ADARB2: variants seen among roughly 807,000 people sequenced by gnomAD.
The protein encoded by ADARB2 is adenosine deaminase RNA specific B2 (inactive), also known as inactive double-stranded RNA-specific editase B2.
A neutral mutation model predicts 62.2 loss-of-function variants in ADARB2; 25 were observed. The observed-to-expected ratio is 0.40, with a 90% CI of 0.29 to 0.56. ADARB2 has a LOEUF of 0.56. ADARB2 is among the 20% of genes least tolerant of loss of function. The pLI is 0.43. For synonymous variants in ADARB2, 572 were observed against 500.8 expected, an observed-to-expected ratio of 1.14 and a Z score of -1.90; for missense variants, 1,071 against 1,077.4, an observed-to-expected ratio of 0.99 and a Z score of 0.08.
intron 1 of ADARB2, among the ~76,000 whole-genome samples, chr10:1,612,324 C>T (rs1452341837): frequency 1.3e-5 from 2 of 152,238 alleles, no homozygotes; most frequent in Admixed American, 6.5e-5. Flanking sequence ...AAGAGCAGAG[C>T]GGCCATGGCC....
intron 1 of ADARB2, among the ~76,000 whole-genome samples, chr10:1,673,863 G>A (rs370153247): frequency 3.3e-5 from 5 of 152,240 alleles, no homozygotes; most frequent in Admixed American, 6.5e-5. Flanking sequence ...GGGATCCTAG[G>A]CCGGTTACCG....
chr10:1,338,003 T>C (rs1443244379), intron 3 of ADARB2, among the ~76,000 whole-genome samples: 1 of 152,234 alleles, frequency 6.6e-6, no homozygotes, highest in African/African-American at 2.4e-5. Context: ...CATTTAATAC[T>C]GTCATGGTGC....
chr10:1,246,723 C>A (rs1347740684), intron 4 of ADARB2, among the ~76,000 whole-genome samples: 1 of 134,664 alleles, frequency 7.4e-6, no homozygotes, highest in East Asian at 2.2e-4. Flanking sequence ...CAGTACCATG[C>A]TGTTTTGGTT....
chr10:1,624,039 C>T (rs550649409), intron 1 of ADARB2, among the ~76,000 whole-genome samples: 1 of 152,064 alleles, frequency 6.6e-6, no homozygotes, highest in South Asian at 2.1e-4. Flanking sequence ...TTGAGACCAG[C>T]CTGGGCAACA....
intron 1 of ADARB2, among the ~76,000 whole-genome samples, chr10:1,517,360 A>G (rs892421444): frequency 1.3e-5 from 2 of 152,216 alleles, no homozygotes; most frequent in African/African-American, 4.8e-5. Context: ...AGGTAGAGAC[A>G]TCCTGGAATG....
intron 3 of ADARB2, among the ~76,000 whole-genome samples, chr10:1,334,450 TG>T (rs1831955905): frequency 6.6e-6 from 1 of 152,132 alleles, no homozygotes; most frequent in Admixed American, 6.5e-5. Flanking sequence ...TCTCCACACG[TG>T]GGTGCACACA....
chr10:1,651,387 G>A lies in ADARB2; in HGVS notation c.100+85664C>T, dbSNP rs142401108. 1.8e-4 allele frequency among the ~76,000 whole-genome samples: 27 copies of A among 152,326 alleles called. No individual in the cohort carries two copies. In the East Asian group the frequency reaches 3.9e-3, roughly 22 times the overall value. ...GGTGTTGGGGTGGCTGGGGCAGGCC[G>A]CCCTCCCTGGTTCTCAGGGTCCTGC... On this transcript the variant is annotated intron_variant, in intron 1 of 9. Coordinates refer to ENST00000381312, the MANE Select transcript of ADARB2 (RefSeq NM_018702.4).
intron 1 of ADARB2, among the ~76,000 whole-genome samples, chr10:1,452,802 A>G (rs1043190968): frequency 8.6e-6 from 1 of 116,348 alleles, no homozygotes; most frequent in Non-Finnish European, 1.9e-5. Flanking sequence ...AGTATAATAA[A>G]AAAAGAAGAC....
At chr10:1,655,023 G>A (rs535686987) in intron 1 of ADARB2, among the ~76,000 whole-genome samples, 18 of 152,218 alleles carry the variant, frequency 1.2e-4, no homozygotes, top group Non-Finnish European at 2.4e-4. Context: ...GGACGCGGTC[G>A]GGAGGAATCT....
intron 4 of ADARB2, among the ~76,000 whole-genome samples, chr10:1,260,316 A>T (rs534941313): frequency 6.6e-6 from 1 of 152,320 alleles, no homozygotes; most frequent in South Asian, 2.1e-4. Flanking sequence ...ATCAGGCAGG[A>T]GAAGGAAATA....
chr10:1,479,665 T>G (rs550089378), intron 1 of ADARB2, among the ~76,000 whole-genome samples: 2 of 152,266 alleles, frequency 1.3e-5, no homozygotes, highest in African/African-American at 4.8e-5. Flanking sequence ...GGGTGGCGGC[T>G]CCAACATGTA....
In ADARB2 at chr10:1,369,382, G is replaced by A. The variant is rs563220387; in HGVS notation, c.188-5465C>T. On this transcript the variant is annotated intron_variant, in intron 2 of 9. Coordinates refer to ENST00000381312, the MANE Select transcript of ADARB2 (RefSeq NM_018702.4). ...GTCTCTACTCAATAGGCCACACCCT[G>A]GGGGTGAGGGGACCTGGGGGACTAT... Among the ~76,000 whole-genome samples the A allele has an allele frequency of 7.9e-5, 12 of 152,190 alleles. No homozygotes were observed. The East Asian group carries it at 1.6e-3, about 20-fold the overall frequency.
chr10:1,563,731 T>G (rs930450251), intron 1 of ADARB2, among the ~76,000 whole-genome samples: 2 of 149,502 alleles, frequency 1.3e-5, no homozygotes, highest in Non-Finnish European at 3.0e-5. Context: ...CTGCACCCAC[T>G]AACTCGTCAT....
chr10:1,618,659 C>G (rs544064550), intron 1 of ADARB2, among the ~76,000 whole-genome samples: 2 of 152,068 alleles, frequency 1.3e-5, no homozygotes, highest in African/African-American at 4.8e-5. Flanking sequence ...ATGCTCCCCT[C>G]TCAGGCTCCC....
chr10:1,369,844 T>C (rs1832351976), intron 2 of ADARB2, among the ~76,000 whole-genome samples: 1 of 152,188 alleles, frequency 6.6e-6, no homozygotes, highest in African/African-American at 2.4e-5. Context: ...TGTCCCTGTC[T>C]TCTCTCAGGA....
At chr10:1,271,649 C>A (rs996748467) in intron 3 of ADARB2, among the ~76,000 whole-genome samples, 1 of 152,198 alleles carries the variant, frequency 6.6e-6, no homozygotes, top group Non-Finnish European at 1.5e-5. Flanking sequence ...CACAGACACA[C>A]ACATACACAT....
chr10:1,472,531 G>C (rs1831338140), intron 1 of ADARB2, among the ~76,000 whole-genome samples: 1 of 152,204 alleles, frequency 6.6e-6, no homozygotes. Context: ...CACCATGCTG[G>C]GGACTTGGAG....
At chr10:1,328,996 T>TA (rs376461606) in intron 3 of ADARB2, among the ~76,000 whole-genome samples, 2,647 of 75,598 alleles carry the variant, frequency 0.035, 128 homozygotes, top group East Asian at 0.11. Context: ...GACCCTGTCT[T>TA]AAAAAAAAAA....
intron 1 of ADARB2, among the ~76,000 whole-genome samples, chr10:1,514,178 A>AATATATATATATATATATATATAT (rs61671460): frequency 0.014 from 1,271 of 93,948 alleles, 113 homozygotes; most frequent in East Asian, 0.028. Context: ...GCTGTCTCAA[A>AATATATATATATATATATATATAT]ATATATATAT....
Sources: allele counts gnomAD v4.1 joint callset (sites outside exome capture counted in the v4.1 genomes callset), GRCh38; gene constraint gnomAD v4.1.1; transcripts MANE v1.5; gene names NCBI Gene and HGNC (gene_info 2026-07-23, HGNC 2026-07-21).